The following LMBRD2 variants were observed in gnomAD, a reference collection of about 807,000 sequenced individuals.
LMBRD2 encodes the protein G protein-coupled receptor-associated protein LMBRD2.
A neutral mutation model predicts 94.4 loss-of-function variants in LMBRD2; 55 were observed. The observed-to-expected ratio is 0.58, with a 90% confidence interval of 0.47 to 0.73. The LOEUF is 0.73. Ranked by LOEUF, LMBRD2 falls within the 30% of genes least tolerant of loss-of-function variation. The probability of loss-of-function intolerance (pLI) is 0.00; values close to 1 mark genes in which losing one functional copy is unlikely to be tolerated. For missense variants in LMBRD2, 640 were observed against 831.9 expected, an observed-to-expected ratio of 0.77 and a Z score of 2.84; for synonymous variants, 246 against 272.4, an observed-to-expected ratio of 0.90 and a Z score of 0.95.
At chr5:36,134,218 C>G (rs1011432209) in intron 6 of LMBRD2, among the ~76,000 whole-genome samples, 1 of 152,068 alleles carries the variant, frequency 6.6e-6, no homozygotes, top group African/African-American at 2.4e-5. Flanking sequence ...TATTTACAGA[C>G]TCACTCCTAC....
At chr5:36,121,323 T>G (rs1743882617) in intron 9 of LMBRD2, among the ~76,000 whole-genome samples, 1 of 152,234 alleles carries the variant, frequency 6.6e-6, no homozygotes, top group Admixed American at 6.5e-5. Flanking sequence ...AGGAGTTTTC[T>G]GAGATATTTG....
intron 5 of LMBRD2, among the ~76,000 whole-genome samples, 198 bp from the exon 6 acceptor site, chr5:36,136,717 C>T (rs1744280406): frequency 6.6e-6 from 1 of 152,044 alleles, no homozygotes; most frequent in African/African-American, 2.4e-5. Context: ...CTATATTAAA[C>T]AAAAGAAGTT....
chr5:36,129,522 T>C (rs1744083836), intron 6 of LMBRD2, among the ~76,000 whole-genome samples: 1 of 152,096 alleles, frequency 6.6e-6, no homozygotes, highest in Non-Finnish European at 1.5e-5. Flanking sequence ...GAAAATATTC[T>C]TCAAACATGA....
intron 14 of LMBRD2, 137 bp from the exon 15 acceptor site, chr5:36,110,128 G>T: frequency 1.5e-6 from 1 of 649,020 alleles, no homozygotes. Flanking sequence ...GTTATTGCTG[G>T]AAGGAATTTG....
Position 36,151,641 on chromosome 5 carries a change from C to T in LMBRD2, c.-143G>A, listed in dbSNP as rs191611493. On this transcript the variant is annotated 5_prime_UTR_variant, in exon 1 of 18. Transcript: ENST00000296603. The surrounding 1 kb of genome is among the most constrained non-coding windows in gnomAD (Gnocchi z 4.7). Reference sequence around the variant, plus strand: ...GCGGCCACTCGGGGTCTGCCGGGTCCCCTCTCTTTCCGCCTGCTCTCGGCC... The same window carrying T: ...GCGGCCACTCGGGGTCTGCCGGGTCTCCTCTCTTTCCGCCTGCTCTCGGCC... 6.1e-3 allele frequency: 938 copies of T among 154,096 alleles called. 5 individuals are homozygous for T. Among genetic ancestry groups the T allele is most frequent in the African/African-American group, 0.021 (855 of 41,548 alleles). 9.5% of individuals were successfully genotyped at this position (154,096 alleles called of 1,614,324 possible).
chr5:36,109,244 A>G (rs1743547347), intron 15 of LMBRD2, among the ~76,000 whole-genome samples: 1 of 152,092 alleles, frequency 6.6e-6, no homozygotes, highest in South Asian at 2.1e-4. Flanking sequence ...ACTAGATAGC[A>G]TGTAATTTCC....
At chr5:36,132,584 A>G (rs550603891) in intron 6 of LMBRD2, among the ~76,000 whole-genome samples, 9 of 151,726 alleles carry the variant, frequency 5.9e-5, no homozygotes, top group African/African-American at 4.8e-5. Context: ...AATAACCAGA[A>G]TATATAAGGA....
intron 11 of LMBRD2, among the ~76,000 whole-genome samples, chr5:36,116,015 T>A (rs1743735342): frequency 6.6e-6 from 1 of 152,182 alleles, no homozygotes; most frequent in African/African-American, 2.4e-5. Context: ...TAAGAACAGG[T>A]AATAGATTGT....
chr5:36,138,291 C>G (rs1240810877), intron 4 of LMBRD2, among the ~76,000 whole-genome samples: 1 of 152,068 alleles, frequency 6.6e-6, no homozygotes. Context: ...GTGGAGATAT[C>G]AAATATAGAG....
chr5:36,141,409 G>C (rs948754596), intron 3 of LMBRD2, among the ~76,000 whole-genome samples: 3 of 152,044 alleles, frequency 2.0e-5, no homozygotes, highest in Admixed American at 1.3e-4. Context: ...AAAATAGATT[G>C]TTCTGAAAAT....
chr5:36,124,315 A>G, intron 6 of LMBRD2, 50 bp from the exon 7 acceptor site: 1 of 1,104,974 alleles, frequency 9.0e-7, no homozygotes, highest in Non-Finnish European at 1.4e-6. Flanking sequence ...TACAGATCAC[A>G]TATTCCAAAT....
intron 15 of LMBRD2, 102 bp from the exon 16 acceptor site, chr5:36,108,741 T>C (rs1743533877): frequency 2.2e-6 from 1 of 459,442 alleles, no homozygotes; most frequent in South Asian, 6.1e-5. Flanking sequence ...AGAGATTCAT[T>C]AGTAATCAAT....
chr5:36,134,387 G>A (rs1744221773), intron 6 of LMBRD2, among the ~76,000 whole-genome samples: 1 of 152,028 alleles, frequency 6.6e-6, no homozygotes, highest in African/African-American at 2.4e-5. Flanking sequence ...GGACAATCAG[G>A]GAAGATGTTA....
intron 12 of LMBRD2, 78 bp from the exon 13 acceptor site, chr5:36,114,599 C>G (rs1303997772): frequency 7.1e-6 from 10 of 1,415,260 alleles, no homozygotes; most frequent in Non-Finnish European, 9.2e-6. Flanking sequence ...GAAAATTTGC[C>G]TATAACCAGT....
intron 4 of LMBRD2, among the ~76,000 whole-genome samples, chr5:36,140,401 C>T (rs1744376740): frequency 2.6e-5 from 4 of 152,182 alleles, no homozygotes; most frequent in Admixed American, 2.0e-4. Flanking sequence ...GCTGAGTAAG[C>T]GGAATAAGCC....
At chr5:36,140,037 G>A (rs936013737) in intron 4 of LMBRD2, among the ~76,000 whole-genome samples, 6 of 152,188 alleles carry the variant, frequency 3.9e-5, no homozygotes, top group Admixed American at 6.5e-5. Context: ...GCCCTTCCAG[G>A]AGCCCAGATC....
At chr5:36,118,796 G>A (rs1202810898) in intron 9 of LMBRD2, among the ~76,000 whole-genome samples, 6 of 151,954 alleles carry the variant, frequency 3.9e-5, no homozygotes, top group African/African-American at 9.7e-5. Context: ...AATTACAGGC[G>A]TGTGCCACCA....
chr5:36,131,383 T>C (rs1465824944), intron 6 of LMBRD2, among the ~76,000 whole-genome samples: 10 of 152,114 alleles, frequency 6.6e-5, no homozygotes, highest in Admixed American at 6.6e-4. Flanking sequence ...AGTATCATAC[T>C]GAATGGGGAA....
At chr5:36,144,730 C>G (rs777829102) in intron 1 of LMBRD2, among the ~76,000 whole-genome samples, 3 of 152,016 alleles carry the variant, frequency 2.0e-5, no homozygotes, top group Non-Finnish European at 4.4e-5. Flanking sequence ...CAATGAAATA[C>G]TTCAAATCAA....
Sources: gnomAD v4.1 joint callset for allele counts (sites outside exome capture counted in the v4.1 genomes callset) on GRCh38, gnomAD v4.1.1 for gene constraint, Gnocchi (gnomAD v3.1) non-coding constraint, MANE v1.5 for transcripts, NCBI Gene and HGNC (gene_info 2026-07-23, HGNC 2026-07-21) for gene names.